The following PVT1 variants were observed in gnomAD, a reference collection of about 807,000 sequenced individuals.
The protein encoded by PVT1 is CXCR4/PVT1 fusion.
intron 4 of PVT1, among the ~76,000 whole-genome samples, chr8:128,010,864 CACATT>C (rs1204522912): frequency 2.6e-5 from 4 of 152,168 alleles, no homozygotes; most frequent in Non-Finnish European, 5.9e-5. Flanking sequence ...CAGGGGTTGA[CACATT>C]TGCCTGCCGT....
intron 3 of PVT1, among the ~76,000 whole-genome samples, chr8:127,949,276 C>T (rs1372043963): frequency 6.6e-6 from 1 of 151,998 alleles, no homozygotes; most frequent in Non-Finnish European, 1.5e-5. Context: ...GGTGAAGGGC[C>T]CACCCAGTAG....
chr8:128,033,304 G>A (rs753165980), intron 4 of PVT1, among the ~76,000 whole-genome samples: 1 of 151,902 alleles, frequency 6.6e-6, no homozygotes, highest in African/African-American at 2.4e-5. Flanking sequence ...TCACCTGCCT[G>A]GTTCCCATGT....
At chr8:127,955,561 A>G (rs1446266078) in intron 3 of PVT1, among the ~76,000 whole-genome samples, 1 of 152,116 alleles carries the variant, frequency 6.6e-6, no homozygotes, top group South Asian at 2.1e-4. Context: ...GTTATGCCCA[A>G]GAGTCTGTAA....
intron 3 of PVT1, among the ~76,000 whole-genome samples, chr8:127,921,366 C>T (rs963141265): frequency 1.3e-5 from 2 of 151,938 alleles, no homozygotes; most frequent in African/African-American, 4.8e-5. Context: ...GAGAGGTCTT[C>T]GAAAGGTGTT....
intron 3 of PVT1, among the ~76,000 whole-genome samples, chr8:127,942,645 A>G (rs912873884): frequency 2.0e-5 from 3 of 152,158 alleles, no homozygotes; most frequent in African/African-American, 7.2e-5. Flanking sequence ...CCTGGTGACA[A>G]TGTTGAAGGT....
rs189897980 is a variant in PVT1, at chr8:127,928,640, C to T, written n.782+37642C>T. Among the ~76,000 whole-genome samples, 3 of 152,340 alleles carry T rather than the reference C, an allele frequency of 2.0e-5. No individual in the cohort carries two copies. In the East Asian group the frequency reaches 5.8e-4, roughly 29 times the overall value. ...CCCCACCCTATCCCCCAGAGGGGTG[C>T]GGTGAGTAAGGGGGTGGCAACTGGT... On this transcript the variant is annotated intron_variant and non_coding_transcript_variant, in intron 3 of 10. Transcript: ENST00000651587.
chr8:128,088,851 C>A (rs1814311570), intron 5 of PVT1, among the ~76,000 whole-genome samples: 1 of 152,116 alleles, frequency 6.6e-6, no homozygotes, highest in South Asian at 2.1e-4. Flanking sequence ...GTTGTGTAGA[C>A]CAGCGGTTTC....
chr8:128,075,372 G>A (rs913241361), intron 5 of PVT1, among the ~76,000 whole-genome samples: 1 of 151,758 alleles, frequency 6.6e-6, no homozygotes, highest in South Asian at 2.1e-4. Context: ...CTTCATGCCT[G>A]GCACATAATA....
intron 2 of PVT1, among the ~76,000 whole-genome samples, chr8:127,837,980 C>A (rs1434571583): frequency 1.3e-5 from 2 of 151,802 alleles, no homozygotes. Context: ...TCACTGCAAC[C>A]TCCACCTCCT....
At chr8:127,997,577 C>G (rs914362226) in intron 4 of PVT1, among the ~76,000 whole-genome samples, 1 of 152,126 alleles carries the variant, frequency 6.6e-6, no homozygotes, top group Admixed American at 6.5e-5. Flanking sequence ...GCTGCCACAC[C>G]CTTGTGCACA....
rs1817252114 is a variant in PVT1, at chr8:128,006,739, T to TA, written n.912+17453dup. ...TTTATATTGAAAAAATGCAATTTTT[T>TA]AAAAATCAGTCTGGACTCTTGGATT... On this transcript the variant is annotated intron_variant and non_coding_transcript_variant, in intron 4 of 10. Coordinates refer to ENST00000651587, the Ensembl canonical transcript of PVT1. 2.6e-5 allele frequency among the ~76,000 whole-genome samples: 4 copies of TA among 152,342 alleles called. No individual in the cohort carries two copies. In the South Asian group the frequency reaches 8.3e-4, roughly 32 times the overall value.
intron 2 of PVT1, among the ~76,000 whole-genome samples, chr8:127,878,399 G>A (rs1586418570): frequency 6.6e-6 from 1 of 152,176 alleles, no homozygotes; most frequent in Non-Finnish European, 1.5e-5. Context: ...ACTCTGCAAG[G>A]CATTTCACAG....
chr8:128,000,853 C>G (rs1185987268), intron 4 of PVT1, among the ~76,000 whole-genome samples: 1 of 152,208 alleles, frequency 6.6e-6, no homozygotes, highest in African/African-American at 2.4e-5. Context: ...TCTGATCATT[C>G]CACCAGCAGA....
chr8:127,847,382 C>T (rs1476523963), intron 2 of PVT1, among the ~76,000 whole-genome samples: 1 of 152,180 alleles, frequency 6.6e-6, no homozygotes, highest in African/African-American at 2.4e-5. Flanking sequence ...GGATGTGGCC[C>T]TTTGGGAAGA....
chr8:128,046,682 C>CCT (rs1813617607), intron 4 of PVT1, among the ~76,000 whole-genome samples: 1 of 152,242 alleles, frequency 6.6e-6, no homozygotes, highest in Non-Finnish European at 1.5e-5. Flanking sequence ...ACTGGCTGAA[C>CCT]ATTCTTTCAC....
At chr8:128,065,762 A>AG (rs1813901892) in intron 4 of PVT1, among the ~76,000 whole-genome samples, 1 of 152,192 alleles carries the variant, frequency 6.6e-6, no homozygotes, top group Admixed American at 6.5e-5. Flanking sequence ...AGACACAAAA[A>AG]ACTGGCTAAC....
intron 4 of PVT1, among the ~76,000 whole-genome samples, chr8:128,050,439 G>A (rs983248892): frequency 6.6e-6 from 1 of 152,202 alleles, no homozygotes; most frequent in African/African-American, 2.4e-5. Flanking sequence ...TCCAGCCTGT[G>A]AATAAAGACT....
intron 5 of PVT1, among the ~76,000 whole-genome samples, chr8:128,078,079 C>CA (rs1393293490): frequency 2.6e-5 from 4 of 152,166 alleles, no homozygotes; most frequent in African/African-American, 4.8e-5. Flanking sequence ...GGTGGAGCTT[C>CA]AGTTTATGCC....
chr8:128,098,550 T>A (rs562406879), intron 6 of PVT1, among the ~76,000 whole-genome samples: 1 of 152,314 alleles, frequency 6.6e-6, no homozygotes, highest in Admixed American at 6.5e-5. Flanking sequence ...AGAGAGGCCA[T>A]GTTCTGGTTG....
Sources: gnomAD v4.1 joint callset for allele counts (sites outside exome capture counted in the v4.1 genomes callset) on GRCh38, gnomAD v4.1.1 for gene constraint, MANE v1.5 for transcripts, NCBI Gene and HGNC (gene_info 2026-07-23, HGNC 2026-07-21) for gene names.